Variants in DGKB observed in about 807,000 individuals in gnomAD.
DGKB encodes the protein 90 kDa diacylglycerol kinase.
Under a neutral mutation model 114.3 loss-of-function variants are expected in DGKB, and 67 were observed. The ratio of observed to expected loss-of-function variants is 0.59; its 90% CI spans 0.48 to 0.72. The LOEUF is 0.72. DGKB is among the 30% of genes least tolerant of loss of function. DGKB has a pLI of 0.00. For synonymous variants in DGKB, 398 were observed against 323.1 expected, an observed-to-expected ratio of 1.23 and a Z score of -2.49; for missense variants, 907 against 975.2, an observed-to-expected ratio of 0.93 and a Z score of 0.93.
At chr7:14,645,128 A>T (rs1812677839) in intron 13 of DGKB, among the ~76,000 whole-genome samples, 1 of 152,118 alleles carries the variant, frequency 6.6e-6, no homozygotes, top group South Asian at 2.1e-4. Context: ...CCATGGACCC[A>T]TCAGCATGCA....
intron 21 of DGKB, among the ~76,000 whole-genome samples, chr7:14,477,343 A>G (rs1158362725): frequency 2.0e-5 from 3 of 152,352 alleles, no homozygotes; most frequent in Admixed American, 1.3e-4. Context: ...TGCAGCGACA[A>G]TAAAGCCCTT....
chr7:14,313,634 C>T (rs988254563), intron 23 of DGKB, among the ~76,000 whole-genome samples: 6 of 151,942 alleles, frequency 3.9e-5, no homozygotes, highest in African/African-American at 7.3e-5. Flanking sequence ...GGGTCCTACG[C>T]CCACGGAGTC....
At chr7:14,931,778 C>G (rs1452463072) in intron 1 of DGKB, among the ~76,000 whole-genome samples, 1 of 152,056 alleles carries the variant, frequency 6.6e-6, no homozygotes, top group African/African-American at 2.4e-5. Context: ...TTATAAGATA[C>G]ACCACCTGGC....
chr7:14,307,211 C>G (rs1012166865), intron 23 of DGKB, among the ~76,000 whole-genome samples: 3 of 128,360 alleles, frequency 2.3e-5, no homozygotes, highest in African/African-American at 8.5e-5. Context: ...TAGTAAGAAT[C>G]CAATGCCTAA....
chr7:14,186,617 C>T (rs1783487810), intron 23 of DGKB, among the ~76,000 whole-genome samples: 1 of 152,106 alleles, frequency 6.6e-6, no homozygotes, highest in South Asian at 2.1e-4. Context: ...TGGAACCAAC[C>T]CAAATGCCCA....
intron 2 of DGKB, among the ~76,000 whole-genome samples, chr7:14,812,243 T>G (rs1310362886): frequency 6.6e-6 from 1 of 152,214 alleles, no homozygotes; most frequent in Non-Finnish European, 1.5e-5. Context: ...AATGCTGCTT[T>G]GAACATAATT....
At chr7:14,836,179 T>C (rs773961401) in intron 2 of DGKB, among the ~76,000 whole-genome samples, 1 of 152,178 alleles carries the variant, frequency 6.6e-6, no homozygotes, top group Non-Finnish European at 1.5e-5. Context: ...CTCTTTCCAC[T>C]AAGTCACACC....
At chr7:14,833,493 C>T (rs963544790) in intron 2 of DGKB, among the ~76,000 whole-genome samples, 1 of 151,910 alleles carries the variant, frequency 6.6e-6, no homozygotes, top group African/African-American at 2.4e-5. Context: ...AGCTAGACTC[C>T]AGGATTTGGA....
chr7:14,239,809 T>C (rs976282032), intron 23 of DGKB, among the ~76,000 whole-genome samples: 7 of 152,060 alleles, frequency 4.6e-5, no homozygotes, highest in Non-Finnish European at 8.8e-5. Flanking sequence ...TAGTTTTATG[T>C]GTGATTTTAA....
intron 23 of DGKB, among the ~76,000 whole-genome samples, chr7:14,221,368 G>A (rs569003594): frequency 1.6e-3 from 241 of 151,196 alleles, no homozygotes; most frequent in Non-Finnish European, 2.7e-3. Context: ...TTTGTTGAAT[G>A]TTTTTTATTA....
chr7:14,703,325 G>T (rs1217487805), intron 6 of DGKB, among the ~76,000 whole-genome samples: 2 of 152,112 alleles, frequency 1.3e-5, no homozygotes, highest in Non-Finnish European at 2.9e-5. Flanking sequence ...TCAAATTTGT[G>T]GAAACCCTGT....
chr7:14,338,439 A>G (rs575301634), intron 23 of DGKB, 76 bp downstream of exon 23: 9 of 841,750 alleles, frequency 1.1e-5, no homozygotes, highest in African/African-American at 9.5e-5. Flanking sequence ...AGTGCAACGG[A>G]AGACTCTTTA....
intron 20 of DGKB, among the ~76,000 whole-genome samples, chr7:14,554,564 A>C (rs1229732655): frequency 2.0e-5 from 3 of 152,148 alleles, no homozygotes; most frequent in African/African-American, 4.8e-5. Flanking sequence ...GCACATTTTT[A>C]AATTTTAATA....
chr7:14,844,002 TAG>T (rs1421350244), intron 1 of DGKB, among the ~76,000 whole-genome samples: 2 of 152,168 alleles, frequency 1.3e-5, no homozygotes, highest in Non-Finnish European at 2.9e-5. Flanking sequence ...CTGAATCTGG[TAG>T]GTGTAGCACA....
At chr7:14,277,455 G>GAATC (rs1799199294) in intron 23 of DGKB, among the ~76,000 whole-genome samples, 1 of 152,154 alleles carries the variant, frequency 6.6e-6, no homozygotes, top group Non-Finnish European at 1.5e-5. Context: ...TTACAGGCGT[G>GAATC]AATCACTGTG....
intron 21 of DGKB, among the ~76,000 whole-genome samples, chr7:14,392,989 G>GTTTTTTTTTTTTTTTTTTTTTTT (rs776845811): frequency 6.9e-4 from 7 of 10,164 alleles, no homozygotes; most frequent in Admixed American, 1.0e-3. Flanking sequence ...CCTGTTTTTT[G>GTTTTTTTTTTTTTTTTTTTTTTT]TTTTTGTTTT....
chr7:14,809,229 T>C (rs926254503), intron 2 of DGKB, among the ~76,000 whole-genome samples: 2 of 152,174 alleles, frequency 1.3e-5, no homozygotes, highest in African/African-American at 4.8e-5. Flanking sequence ...AATAGTATTT[T>C]ATATGTACAG....
chr7:14,287,647 A>T (rs1801086790), intron 23 of DGKB, among the ~76,000 whole-genome samples: 1 of 152,158 alleles, frequency 6.6e-6, no homozygotes, highest in African/African-American at 2.4e-5. Flanking sequence ...GAATACACAG[A>T]CAACTGATAG....
At chr7:14,817,193 T>C (rs946992095) in intron 2 of DGKB, among the ~76,000 whole-genome samples, 1 of 152,180 alleles carries the variant, frequency 6.6e-6, no homozygotes, top group Non-Finnish European at 1.5e-5. Context: ...TGCGTTATGG[T>C]TGCCCCTAAC....
Sources: allele counts gnomAD v4.1 joint callset (sites outside exome capture counted in the v4.1 genomes callset), GRCh38; gene constraint gnomAD v4.1.1; transcripts MANE v1.5; gene names NCBI Gene and HGNC (gene_info 2026-07-23, HGNC 2026-07-21).